The following OTOF variants were observed in gnomAD, a reference collection of about 807,000 sequenced individuals.
OTOF encodes the protein fer-1-like family member 2.
OTOF carries 218 observed loss-of-function variants against 236.8 expected under a neutral mutation model. The ratio of observed to expected loss-of-function variants is 0.92; its 90% confidence interval spans 0.82 to 1.03. The LOEUF is 1.03. Among genes scored for constraint, OTOF ranks in the 50% least tolerant of loss-of-function variants. The probability of loss-of-function intolerance (pLI) is 0.00; values close to 1 mark genes in which losing one functional copy is unlikely to be tolerated. For synonymous variants in OTOF, 1,041 were observed against 1,072.5 expected, an observed-to-expected ratio of 0.97 and a Z score of 0.57; for missense variants, 2,590 against 2,694.4, an observed-to-expected ratio of 0.96 and a Z score of 0.86.
intron 34 of OTOF, 62 bp from the exon 35 acceptor site, chr2:26,467,295 C>T (rs1309184375): frequency 6.2e-7 from 1 of 1,613,650 alleles, no homozygotes; most frequent in African/African-American, 1.3e-5. Context: ...CCTGCCCCAC[C>T]TGCAGGATCA....
chr2:26,515,891 C>A, intron 5 of OTOF, among the ~76,000 whole-genome samples: 1 of 152,212 alleles, frequency 6.6e-6, no homozygotes, highest in East Asian at 1.9e-4. Flanking sequence ...ACTTGCAGGG[C>A]GTGACGCTGG....
chr2:26,489,844 A>G, intron 9 of OTOF, 104 bp from the exon 10 acceptor site: 1 of 860,066 alleles, frequency 1.2e-6, no homozygotes, highest in Non-Finnish European at 2.0e-6. Context: ...CACCCCAGAC[A>G]TTTGCCCTGA....
rs762660468 is a variant in OTOF at position 26,462,082 on chromosome 2, C to T, written c.5291+1G>A. ...CTCCCATGCAGGGACTGCTCACCCA[C>T]CCCCTCACGAAGATGTCACTGGACT... On this transcript the variant is annotated splice_donor_variant, in intron 42 of 46. Coordinates refer to ENST00000272371, the MANE Select transcript of OTOF (RefSeq NM_194248.3). LOFTEE classifies it high-confidence loss of function. The surrounding 1 kb of genome is among the most constrained non-coding windows in gnomAD (Gnocchi z 4.7). The T allele has an allele frequency of 1.2e-6, 2 of 1,611,178 alleles. No individual in the cohort carries two copies. The highest frequency in any genetic ancestry group is 1.7e-6 in the Non-Finnish European group (2 of 1,177,730).
intron 4 of OTOF, among the ~76,000 whole-genome samples, chr2:26,517,214 C>T (rs1351528363): frequency 6.6e-6 from 1 of 151,902 alleles, no homozygotes; most frequent in East Asian, 1.9e-4. Flanking sequence ...CATGATTGGG[C>T]TTCCTGCTCT....
chr2:26,463,464 TG>T lies in OTOF; in HGVS notation c.5192+18del. On this transcript the variant is annotated intron_variant, in intron 41 of 46. Transcript: ENST00000272371. ...GGGGTGGGCCGGAAGGGAGTAGCGCTGGGCCCCAGGCCGCTCACTTCTTGGG... is the reference window on the plus strand; with the variant it reads ...GGGGTGGGCCGGAAGGGAGTAGCGCTGGCCCCAGGCCGCTCACTTCTTGGG... 1 of 1,575,240 alleles carries T rather than the reference TG, an allele frequency of 6.3e-7. No homozygotes were observed. Among genetic ancestry groups the T allele is most frequent in the Non-Finnish European group, 8.6e-7 (1 of 1,157,078 alleles).
intron 1 of OTOF, among the ~76,000 whole-genome samples, chr2:26,542,265 C>T (rs1026056985): frequency 6.6e-6 from 1 of 152,198 alleles, no homozygotes; most frequent in African/African-American, 2.4e-5. Flanking sequence ...GCTGCCAGCC[C>T]ATGTGTGTTC....
chr2:26,556,809 C>G (rs147635087), intron 1 of OTOF, among the ~76,000 whole-genome samples: 1 of 152,218 alleles, frequency 6.6e-6, no homozygotes, highest in African/African-American at 2.4e-5. Flanking sequence ...TCCGGTGCAG[C>G]CTGGACCGTT....
intron 4 of OTOF, among the ~76,000 whole-genome samples, chr2:26,517,513 G>C (rs1237806871): frequency 6.6e-6 from 1 of 152,212 alleles, no homozygotes; most frequent in African/African-American, 2.4e-5. Context: ...AGGAGGTTAA[G>C]TTACTTGCTT....
At chr2:26,478,738 GC>G (rs548540472) in intron 18 of OTOF, among the ~76,000 whole-genome samples, 92 of 152,186 alleles carry the variant, frequency 6.0e-4, no homozygotes, top group African/African-American at 2.0e-3. Context: ...TTGCTCGGTT[GC>G]CCAGGCTGGA....
At chr2:26,557,982 C>T (rs1019798594) in intron 1 of OTOF, among the ~76,000 whole-genome samples, 1 of 151,866 alleles carries the variant, frequency 6.6e-6, no homozygotes, top group South Asian at 2.1e-4. Flanking sequence ...GAGGGGCTCC[C>T]GGGGTTCCCG....
In OTOF at chr2:26,479,822, C is replaced by T. The variant is rs1303538092; in HGVS notation, c.1913-169G>A. On this transcript the variant is annotated intron_variant, in intron 16 of 46. Transcript: ENST00000272371. ...AGAGCATTAGCCCGTGTCCCCACTC[C>T]GCTGAGAGTCAGGGAGTCCTCATGA... Among the ~76,000 whole-genome samples, 5 of 152,368 alleles carry T rather than the reference C, an allele frequency of 3.3e-5. No homozygotes were observed. The East Asian group carries it at 5.8e-4, about 18-fold the overall frequency.
intron 6 of OTOF, 56 bp downstream of exon 6, chr2:26,503,716 G>T: frequency 1.3e-6 from 2 of 1,499,320 alleles, no homozygotes; most frequent in Non-Finnish European, 1.9e-6. Flanking sequence ...GCTGGAAAGC[G>T]GCGGGAGGGC....
chr2:26,474,752 G>T, intron 25 of OTOF, 78 bp from the exon 26 acceptor site: 3 of 1,508,598 alleles, frequency 2.0e-6, no homozygotes, highest in Non-Finnish European at 1.8e-6. Context: ...TTACCACAGC[G>T]CCATGAGTTG....
chr2:26,525,643 C>T (rs977059222), intron 3 of OTOF, among the ~76,000 whole-genome samples: 3 of 151,836 alleles, frequency 2.0e-5, no homozygotes, highest in African/African-American at 7.3e-5. Context: ...TGATGAGTGA[C>T]TGCAAAGTTG....
chr2:26,547,639 C>G (rs1026286051), intron 1 of OTOF, among the ~76,000 whole-genome samples: 3 of 152,012 alleles, frequency 2.0e-5, no homozygotes, highest in African/African-American at 7.3e-5. Context: ...AGTTCAAGAC[C>G]AGCCTGGCCA....
chr2:26,522,956 C>A (rs1316004402), intron 3 of OTOF, among the ~76,000 whole-genome samples: 1 of 152,222 alleles, frequency 6.6e-6, no homozygotes. Context: ...AGCTAAGATC[C>A]CCACGTAATT....
intron 4 of OTOF, among the ~76,000 whole-genome samples, chr2:26,518,175 T>C (rs1415150986): frequency 1.3e-5 from 2 of 152,236 alleles, no homozygotes; most frequent in African/African-American, 4.8e-5. Flanking sequence ...TGGGGGACCA[T>C]GGCACAGTCC....
intron 1 of OTOF, among the ~76,000 whole-genome samples, chr2:26,551,752 A>C (rs139325138): frequency 5.4e-4 from 83 of 152,378 alleles, no homozygotes; most frequent in Admixed American, 7.8e-4. Flanking sequence ...AAATTGGAAA[A>C]AAATTATGAC....
chr2:26,507,155 G>A (rs1389604548), intron 5 of OTOF, among the ~76,000 whole-genome samples: 3 of 152,244 alleles, frequency 2.0e-5, no homozygotes, highest in African/African-American at 7.2e-5. Flanking sequence ...AAAGGATATT[G>A]TCTTTGTCCC....
Sources: gnomAD v4.1 joint callset for allele counts (sites outside exome capture counted in the v4.1 genomes callset) on GRCh38, gnomAD v4.1.1 for gene constraint, Gnocchi (gnomAD v3.1) non-coding constraint, MANE v1.5 for transcripts, NCBI Gene and HGNC (gene_info 2026-07-23, HGNC 2026-07-21) for gene names.